Variants in DNAH14 observed in about 807,000 individuals in gnomAD.
DNAH14 encodes dynein axonemal heavy chain 14, also known as axonemal beta dynein heavy chain 14.
A neutral mutation model predicts 520.9 loss-of-function variants in DNAH14; 478 were observed. The ratio of observed to expected loss-of-function variants is 0.92; its 90% CI spans 0.85 to 0.99. The LOEUF is 0.99. Among genes scored for constraint, DNAH14 ranks in the 50% least tolerant of loss-of-function variants. DNAH14 has a pLI of 0.00. For synonymous variants in DNAH14, 1,581 were observed against 1,757.2 expected (o/e 0.90, Z 2.51); for missense variants, 4,831 against 5,234.5 (o/e 0.92, Z 2.38).
intron 23 of DNAH14, among the ~76,000 whole-genome samples, chr1:225,112,237 A>T (rs1439161528): frequency 2.0e-5 from 3 of 152,196 alleles, no homozygotes; most frequent in Non-Finnish European, 4.4e-5. Context: ...TTGGACAGAT[A>T]TACTATACTA....
chr1:225,078,844 CTCTCTCT>C (rs1429782894), intron 17 of DNAH14, among the ~76,000 whole-genome samples: 11 of 30,426 alleles, frequency 3.6e-4, no homozygotes, highest in African/African-American at 9.7e-4. Flanking sequence ...CTCTCTCTCC[CTCTCTCT>C]CTCTCTCCCT....
chr1:225,061,794 T>C (rs2070159946), intron 17 of DNAH14, among the ~76,000 whole-genome samples: 1 of 152,182 alleles, frequency 6.6e-6, no homozygotes, highest in African/African-American at 2.4e-5. Context: ...GTATATTCTA[T>C]TTTGAAAGTC....
intron 21 of DNAH14, among the ~76,000 whole-genome samples, chr1:225,096,108 C>T (rs1473594872): frequency 6.6e-6 from 1 of 151,706 alleles, no homozygotes; most frequent in Non-Finnish European, 1.5e-5. Context: ...CTGGGATTAC[C>T]GGCACCGCCA....
rs567860252 is a variant in DNAH14, at chr1:224,977,484, T to C, written c.830+3331T>C. Among the ~76,000 whole-genome samples, 145 of 151,962 alleles carry C rather than the reference T, an allele frequency of 9.5e-4. 1 individual carries two copies. Among genetic ancestry groups the C allele is most frequent in the African/African-American group, 3.2e-3 (134 of 41,462 alleles). The stretch of plus-strand genomic sequence containing the variant: ...CACATGTACCCTAAAACTTAAAGTA[T>C]AATAATAATAATAAAAAAGAATGTT... On this transcript the variant is annotated intron_variant, in intron 8 of 85. Transcript: ENST00000682510.
At position 224,933,061 on chromosome 1, in the gene DNAH14, G is replaced by A. The variant is rs558927431; in HGVS notation, c.-34+3226G>A. On this transcript the variant is annotated intron_variant, in intron 1 of 85. Coordinates refer to ENST00000682510, the MANE Select transcript of DNAH14 (RefSeq NM_001367479.1). The stretch of plus-strand genomic sequence containing the variant: ...TGATATTAATTCTTCCTATCCATGA[G>A]CATGGGATGCTTTTTTATTAGTTTG... Among the ~76,000 whole-genome samples, 184 of 152,156 alleles carry A rather than the reference G, an allele frequency of 1.2e-3. 2 individuals carry two copies. The highest frequency in any genetic ancestry group is 6.8e-3 in the Middle Eastern group (2 of 294).
intron 41 of DNAH14, among the ~76,000 whole-genome samples, chr1:225,208,685 G>A (rs997927597): frequency 6.6e-6 from 1 of 152,040 alleles, no homozygotes; most frequent in African/African-American, 2.4e-5. Context: ...ATAGGATCCT[G>A]GAGTATTTAA....
At chr1:225,295,364 C>CT (rs1251487553) in intron 55 of DNAH14, among the ~76,000 whole-genome samples, 1 of 151,836 alleles carries the variant, frequency 6.6e-6, no homozygotes, top group Admixed American at 6.6e-5. Flanking sequence ...TGAAATCTTT[C>CT]TTTTTTATGT....
chr1:225,054,050 G>T (rs866169448), intron 17 of DNAH14, among the ~76,000 whole-genome samples: 3 of 152,152 alleles, frequency 2.0e-5, no homozygotes, highest in African/African-American at 4.8e-5. Flanking sequence ...GACAGAGTCA[G>T]CTCTAAACAT....
intron 37 of DNAH14, among the ~76,000 whole-genome samples, chr1:225,191,770 A>C (rs963754924): frequency 1.3e-5 from 2 of 151,736 alleles, no homozygotes; most frequent in African/African-American, 4.8e-5. Context: ...TCAAATGGGT[A>C]ATTTTGGCTT....
At chr1:225,300,390 C>T (rs766436356) in intron 55 of DNAH14, among the ~76,000 whole-genome samples, 7 of 152,168 alleles carry the variant, frequency 4.6e-5, no homozygotes, top group Non-Finnish European at 1.0e-4. Flanking sequence ...CTTATTTTGA[C>T]TCAGAAAAAA....
intron 54 of DNAH14, among the ~76,000 whole-genome samples, chr1:225,288,269 T>G (rs2093792298): frequency 6.6e-6 from 1 of 152,128 alleles, no homozygotes; most frequent in South Asian, 2.1e-4. Flanking sequence ...AAAATCCTAG[T>G]TAAGTGACAT....
chr1:225,378,712 C>T (rs1437577975), intron 79 of DNAH14, among the ~76,000 whole-genome samples: 1 of 151,920 alleles, frequency 6.6e-6, no homozygotes, highest in African/African-American at 2.4e-5. Context: ...GAAACCCCGT[C>T]TCTACTAAAA....
chr1:225,259,635 T>C (rs1486261586), intron 46 of DNAH14, among the ~76,000 whole-genome samples: 3 of 152,218 alleles, frequency 2.0e-5, no homozygotes, highest in African/African-American at 7.2e-5. Context: ...GTGGTCACCA[T>C]GCTGTGCAAT....
chr1:225,059,602 A>T (rs570993292), intron 17 of DNAH14, among the ~76,000 whole-genome samples: 1 of 152,318 alleles, frequency 6.6e-6, no homozygotes, highest in South Asian at 2.1e-4. Context: ...TCTTTAGTTG[A>T]TGCAGTTTCT....
chr1:225,157,146 TTAAAA>T (rs2081126123), intron 34 of DNAH14, among the ~76,000 whole-genome samples: 1 of 152,194 alleles, frequency 6.6e-6, no homozygotes, highest in Non-Finnish European at 1.5e-5. Flanking sequence ...CCTCTTTCCT[TTAAAA>T]TAATTTTCCA....
intron 23 of DNAH14, among the ~76,000 whole-genome samples, chr1:225,113,301 C>A (rs571502634): frequency 1.3e-5 from 2 of 152,302 alleles, no homozygotes; most frequent in South Asian, 4.1e-4. Context: ...AGCAGAGATT[C>A]TTGTTCTCTT....
chr1:225,360,612 G>A (rs1227744773), intron 74 of DNAH14, 69 bp from the exon 75 acceptor site: 3 of 1,343,056 alleles, frequency 2.2e-6, no homozygotes, highest in Non-Finnish European at 3.1e-6. Context: ...AATAAATGCT[G>A]GATTGTGATT....
rs891182001 is a variant in DNAH14 at position 225,062,302 on chromosome 1, A to AAG, written c.2424+10523_2424+10524dup. ...CAACAGAATAAGACTGTATCTCAAA[A>AAG]AGAGAGAGAGAGAGAGAAAGAAAGA... On this transcript the variant is annotated intron_variant, in intron 17 of 85. Transcript: ENST00000682510. Among the ~76,000 whole-genome samples, 7 of 151,156 alleles carry AAG rather than the reference A, an allele frequency of 4.6e-5. No homozygotes were observed. In the East Asian group the frequency reaches 5.8e-4, roughly 13 times the overall value.
chr1:225,122,805 T>A (rs964539739), intron 26 of DNAH14, among the ~76,000 whole-genome samples: 1 of 152,164 alleles, frequency 6.6e-6, no homozygotes, highest in African/African-American at 2.4e-5. Context: ...TAGATACCAT[T>A]TGCAAGCACA....
Sources: allele counts gnomAD v4.1 joint callset (sites outside exome capture counted in the v4.1 genomes callset), GRCh38; gene constraint gnomAD v4.1.1; transcripts MANE v1.5; gene names NCBI Gene and HGNC (gene_info 2026-07-23, HGNC 2026-07-21).